The following POU6F2 variants were observed in gnomAD, a reference collection of about 807,000 sequenced individuals.
POU6F2 encodes the protein POU domain, class 6, transcription factor 2.
A neutral mutation model predicts 71.3 loss-of-function variants in POU6F2; 31 were observed. That is an observed-to-expected ratio of 0.43 (90% CI 0.33 to 0.59). POU6F2 has a LOEUF of 0.59. Ranked by LOEUF, POU6F2 falls within the 20% of genes least tolerant of loss-of-function variation. The pLI, the probability that POU6F2 is intolerant of heterozygous loss-of-function variation, is 0.04. For missense variants in POU6F2, 783 were observed against 856.8 expected, an observed-to-expected ratio of 0.91 and a Z score of 1.07; for synonymous variants, 347 against 355.7, an observed-to-expected ratio of 0.98 and a Z score of 0.27.
chr7:39,361,032 CA>C (rs1361760334), intron 5 of POU6F2, among the ~76,000 whole-genome samples: 1 of 152,180 alleles, frequency 6.6e-6, no homozygotes, highest in Non-Finnish European at 1.5e-5. Flanking sequence ...CAGGAGGTCC[CA>C]ACCTTATTTT....
At chr7:38,978,431 AT>A (rs1788233668) in intron 1 of POU6F2, among the ~76,000 whole-genome samples, 1 of 152,104 alleles carries the variant, frequency 6.6e-6, no homozygotes, top group Non-Finnish European at 1.5e-5. Flanking sequence ...AGTAGTTAAT[AT>A]TTTTCTAATG....
At chr7:39,393,704 A>G (rs1787119424) in intron 5 of POU6F2, among the ~76,000 whole-genome samples, 2 of 152,140 alleles carry the variant, frequency 1.3e-5, no homozygotes, top group Non-Finnish European at 2.9e-5. Flanking sequence ...ATCTCTGGCT[A>G]GCTTCCTTCT....
At position 39,352,021 on chromosome 7, in the gene POU6F2, A is replaced by T. The variant is rs150177061; in HGVS notation, c.972+12006A>T. ...AGACTCTCATTTGCCCACCTCTCTGACCTTTCTTGTAGCTTACATCTTTCT... is the reference window on the plus strand; with the variant it reads ...AGACTCTCATTTGCCCACCTCTCTGTCCTTTCTTGTAGCTTACATCTTTCT... On this transcript the variant is annotated intron_variant, in intron 5 of 9. Coordinates refer to ENST00000518318, the MANE Select transcript of POU6F2 (RefSeq NM_001370959.1). Among the ~76,000 whole-genome samples the T allele has an allele frequency of 1.2e-4, 19 of 152,252 alleles. No individual in the cohort carries two copies. In the East Asian group the frequency reaches 3.7e-3, roughly 29 times the overall value.
At chr7:39,291,656 G>A (rs1305949698) in intron 4 of POU6F2, among the ~76,000 whole-genome samples, 4 of 152,200 alleles carry the variant, frequency 2.6e-5, no homozygotes, top group Non-Finnish European at 5.9e-5. Context: ...GCTTTAGAGA[G>A]AGAGGCAGCA....
chr7:39,250,901 A>G (rs1039751182), intron 4 of POU6F2, among the ~76,000 whole-genome samples: 1 of 152,234 alleles, frequency 6.6e-6, no homozygotes, highest in African/African-American at 2.4e-5. Flanking sequence ...GGAACTTGCT[A>G]TCATGAATAA....
intron 4 of POU6F2, among the ~76,000 whole-genome samples, chr7:39,266,937 G>T (rs1234179707): frequency 6.6e-6 from 1 of 152,120 alleles, no homozygotes; most frequent in South Asian, 2.1e-4. Flanking sequence ...TAGAACACCA[G>T]AACTTATTCC....
chr7:39,055,717 C>T lies in POU6F2; in HGVS notation c.106-30143C>T, dbSNP rs190185811. 2.4e-4 allele frequency among the ~76,000 whole-genome samples: 36 copies of T among 151,932 alleles called. No homozygotes were observed. In the East Asian group the frequency reaches 4.1e-3, roughly 17 times the overall value. On this transcript the variant is annotated intron_variant, in intron 1 of 9. Coordinates refer to ENST00000518318, the MANE Select transcript of POU6F2 (RefSeq NM_001370959.1). ...CAAAGCAGGTAAGTAATGTTCTAGA[C>T]GTTGGTAGAAGAAAATACTGAAACT...
chr7:39,181,248 G>T (rs1163531496), intron 2 of POU6F2, among the ~76,000 whole-genome samples: 1 of 152,072 alleles, frequency 6.6e-6, no homozygotes, highest in Non-Finnish European at 1.5e-5. Flanking sequence ...CTCCACTGTG[G>T]TCCTTTGAGA....
At chr7:39,047,598 G>A (rs1409382011) in intron 1 of POU6F2, among the ~76,000 whole-genome samples, 1 of 151,834 alleles carries the variant, frequency 6.6e-6, no homozygotes, top group Non-Finnish European at 1.5e-5. Context: ...GTGTGTATGT[G>A]TATATTCCTA....
chr7:39,270,244 C>T (rs944123579), intron 4 of POU6F2, among the ~76,000 whole-genome samples: 2 of 152,118 alleles, frequency 1.3e-5, no homozygotes, highest in Non-Finnish European at 2.9e-5. Flanking sequence ...ATTAATAATG[C>T]CTGTCTTTAA....
intron 4 of POU6F2, among the ~76,000 whole-genome samples, chr7:39,313,266 C>T (rs1224711480): frequency 6.6e-6 from 1 of 152,234 alleles, no homozygotes; most frequent in East Asian, 1.9e-4. Context: ...GCACCATTGC[C>T]TCTGCCTCAA....
chr7:38,998,294 T>C (rs969467974), intron 1 of POU6F2, among the ~76,000 whole-genome samples: 1 of 152,158 alleles, frequency 6.6e-6, no homozygotes, highest in Non-Finnish European at 1.5e-5. Context: ...GTGGAGGGAA[T>C]CTTCTCCCAT....
chr7:39,040,734 A>C (rs1424979674), intron 1 of POU6F2, among the ~76,000 whole-genome samples: 1 of 151,924 alleles, frequency 6.6e-6, no homozygotes, highest in African/African-American at 2.4e-5. Context: ...TAATTTAAGA[A>C]AAGTATTCAA....
intron 1 of POU6F2, among the ~76,000 whole-genome samples, chr7:39,042,113 T>A (rs1790204699): frequency 6.6e-6 from 1 of 151,932 alleles, no homozygotes; most frequent in East Asian, 1.9e-4. Context: ...CCTACATTTT[T>A]ATAGAGGTTC....
chr7:39,040,431 G>A (rs1456894697), intron 1 of POU6F2, among the ~76,000 whole-genome samples: 1 of 151,060 alleles, frequency 6.6e-6, no homozygotes, highest in East Asian at 2.0e-4. Flanking sequence ...AGTAATTAAT[G>A]CCACTTCTAA....
intron 2 of POU6F2, among the ~76,000 whole-genome samples, chr7:39,099,890 G>T (rs550279027): frequency 6.6e-6 from 1 of 152,158 alleles, no homozygotes; most frequent in African/African-American, 2.4e-5. Flanking sequence ...TTAATGATCA[G>T]CAGGGGCTCT....
rs191512533 is a variant in POU6F2, at chr7:39,364,702, A to G, written c.972+24687A>G. Among the ~76,000 whole-genome samples, 520 of 152,316 alleles carry G rather than the reference A, an allele frequency of 3.4e-3. 1 individual carries two copies. Among genetic ancestry groups the G allele is most frequent in the African/African-American group, 0.012 (492 of 41,578 alleles). On this transcript the variant is annotated intron_variant, in intron 5 of 9. Transcript: ENST00000518318. ...TTTGGGGTGGTTCCACGTTTATGCA[A>G]TCACGAATTGTGCTACCATAAACAT...
chr7:39,409,305 T>C (rs553833301), intron 6 of POU6F2, among the ~76,000 whole-genome samples: 2 of 152,326 alleles, frequency 1.3e-5, no homozygotes, highest in South Asian at 4.1e-4. Flanking sequence ...GAAAGCATGT[T>C]TTACTCTACT....
At chr7:39,442,367 G>C (rs2116076076) in intron 7 of POU6F2, among the ~76,000 whole-genome samples, 1 of 152,306 alleles carries the variant, frequency 6.6e-6, no homozygotes, top group African/African-American at 2.4e-5. Context: ...CATTCAGCAA[G>C]GGAACTTCAC....
Sources: gnomAD v4.1 joint callset for allele counts (sites outside exome capture counted in the v4.1 genomes callset) on GRCh38, gnomAD v4.1.1 for gene constraint, MANE v1.5 for transcripts, NCBI Gene and HGNC (gene_info 2026-07-23, HGNC 2026-07-21) for gene names.